LHFPL3: variants seen among roughly 807,000 people sequenced by gnomAD.
The protein encoded by LHFPL3 is LHFPL tetraspan subfamily member 3, also known as LHFPL tetraspan subfamily member 3 protein.
Under a neutral mutation model 19.3 loss-of-function variants are expected in LHFPL3, and 5 were observed. That is an observed-to-expected ratio of 0.26 (90% confidence interval 0.14 to 0.54). The LOEUF is 0.54. Among genes scored for constraint, LHFPL3 ranks in the 20% least tolerant of loss-of-function variants. LHFPL3 has a pLI of 0.94. For synonymous variants in LHFPL3, 133 were observed against 126.2 expected, an observed-to-expected ratio of 1.05 and a Z score of -0.36; for missense variants, 249 against 307.4, an observed-to-expected ratio of 0.81 and a Z score of 1.42.
chr7:104,420,720 C>T (rs372516470), intron 1 of LHFPL3, among the ~76,000 whole-genome samples: 14 of 152,110 alleles, frequency 9.2e-5, no homozygotes, highest in South Asian at 2.1e-4. Context: ...CCACCATGCC[C>T]GGCTAATTTT....
At chr7:104,736,549 T>C (rs1793825972) in intron 1 of LHFPL3, 126 bp from the exon 2 acceptor site, 1 of 661,350 alleles carries the variant, frequency 1.5e-6, no homozygotes, top group Admixed American at 2.5e-5. Flanking sequence ...AGTGGTGAGA[T>C]TTGCTGTTTT....
At chr7:104,699,080 G>A (rs968581232) in intron 1 of LHFPL3, among the ~76,000 whole-genome samples, 1 of 152,144 alleles carries the variant, frequency 6.6e-6, no homozygotes, top group African/African-American at 2.4e-5. Flanking sequence ...GAACACTTGT[G>A]CATTGCTGGT....
intron 1 of LHFPL3, among the ~76,000 whole-genome samples, chr7:104,424,983 TA>T (rs71153196): frequency 0.15 from 9,726 of 65,124 alleles, 380 homozygotes; most frequent in Middle Eastern, 0.2. Context: ...CTCCATCTCA[TA>T]AAAAAAAAAA....
chr7:104,687,694 A>G (rs1792831780), intron 1 of LHFPL3, among the ~76,000 whole-genome samples: 1 of 152,224 alleles, frequency 6.6e-6, no homozygotes, highest in African/African-American at 2.4e-5. Context: ...AAGAAAATAT[A>G]ACAGTTCCCT....
intron 2 of LHFPL3, among the ~76,000 whole-genome samples, chr7:104,805,377 C>T (rs961330311): frequency 6.6e-6 from 1 of 152,164 alleles, no homozygotes; most frequent in African/African-American, 2.4e-5. Flanking sequence ...GAAAGAGATG[C>T]GACTCAAATG....
intron 2 of LHFPL3, among the ~76,000 whole-genome samples, chr7:104,850,929 G>A (rs1281828650): frequency 6.6e-6 from 1 of 152,202 alleles, no homozygotes; most frequent in African/African-American, 2.4e-5. Flanking sequence ...GCAGTGGCGT[G>A]CATAAATCTG....
chr7:104,538,808 A>G (rs913166868), intron 1 of LHFPL3, among the ~76,000 whole-genome samples: 9 of 151,848 alleles, frequency 5.9e-5, no homozygotes, highest in Non-Finnish European at 1.3e-4. Flanking sequence ...GGCAAAAGCA[A>G]CTTTGCACGT....
chr7:104,387,916 T>C (rs1434382057), intron 1 of LHFPL3, among the ~76,000 whole-genome samples: 1 of 152,170 alleles, frequency 6.6e-6, no homozygotes, highest in Admixed American at 6.5e-5. Flanking sequence ...ACCTGATAAG[T>C]AGTTTTTCTA....
chr7:104,440,038 G>GC lies in LHFPL3; in HGVS notation c.445+110814_445+110815insC, dbSNP rs71153197. Among the ~76,000 whole-genome samples the GC allele has an allele frequency of 4.6e-3, 642 of 140,222 alleles. 9 individuals carry two copies. The highest frequency in any genetic ancestry group is 6.6e-3 in the South Asian group (28 of 4,230). 92.0% of individuals were successfully genotyped at this position (140,222 alleles called of 152,430 possible). ...GATTACTATATAATACAAAGCCTGG[G>GC]GGGGGGGAGGGATAGCATTAGGAGA... is the stretch of plus-strand genomic sequence containing the variant. On this transcript the variant is annotated intron_variant, in intron 1 of 2. Coordinates refer to ENST00000424859, the MANE Select transcript of LHFPL3 (RefSeq NM_199000.3).
chr7:104,678,872 A>C (rs1253885523), intron 1 of LHFPL3, among the ~76,000 whole-genome samples: 1 of 152,186 alleles, frequency 6.6e-6, no homozygotes, highest in Non-Finnish European at 1.5e-5. Flanking sequence ...CATTTTGTTC[A>C]CATTCATCTA....
At chr7:104,882,361 C>T (rs1464752049) in intron 2 of LHFPL3, among the ~76,000 whole-genome samples, 2 of 152,200 alleles carry the variant, frequency 1.3e-5, no homozygotes, top group African/African-American at 4.8e-5. Context: ...GATTCTCCCG[C>T]CTCAGCCTCC....
At chr7:104,848,917 G>C (rs560884826) in intron 2 of LHFPL3, among the ~76,000 whole-genome samples, 1 of 149,894 alleles carries the variant, frequency 6.7e-6, no homozygotes, top group Admixed American at 6.6e-5. Flanking sequence ...TTTTGTTGTT[G>C]TTGTTGTTGT....
intron 1 of LHFPL3, among the ~76,000 whole-genome samples, chr7:104,730,367 T>G (rs1793676903): frequency 6.6e-6 from 1 of 152,204 alleles, no homozygotes; most frequent in South Asian, 2.1e-4. Flanking sequence ...ACCAACAGTG[T>G]AAAAGTGTTC....
intron 1 of LHFPL3, among the ~76,000 whole-genome samples, chr7:104,564,085 G>A (rs543103498): frequency 1.3e-5 from 2 of 152,186 alleles, no homozygotes; most frequent in Admixed American, 1.3e-4. Flanking sequence ...CTATGATGTG[G>A]CTACTATTAT....
chr7:104,800,570 T>G (rs1018400866), intron 2 of LHFPL3, among the ~76,000 whole-genome samples: 2 of 152,176 alleles, frequency 1.3e-5, no homozygotes, highest in Admixed American at 6.6e-5. Flanking sequence ...AACTGTCAAA[T>G]GCAGGATGTC....
At chr7:104,724,836 C>T (rs1198762931) in intron 1 of LHFPL3, among the ~76,000 whole-genome samples, 1 of 152,184 alleles carries the variant, frequency 6.6e-6, no homozygotes, top group Non-Finnish European at 1.5e-5. Context: ...GTACACACTA[C>T]AGTGCCCTGT....
At chr7:104,531,094 A>C (rs1458478594) in intron 1 of LHFPL3, among the ~76,000 whole-genome samples, 1 of 152,226 alleles carries the variant, frequency 6.6e-6, no homozygotes, top group Non-Finnish European at 1.5e-5. Flanking sequence ...GCATCAAAGG[A>C]TGCTCACTTA....
At chr7:104,432,880 G>GGCCA (rs1329855489) in intron 1 of LHFPL3, among the ~76,000 whole-genome samples, 7 of 151,838 alleles carry the variant, frequency 4.6e-5, no homozygotes, top group Non-Finnish European at 1.0e-4. Flanking sequence ...CCTTAATCTG[G>GGCCA]GCCATGACCA....
intron 1 of LHFPL3, among the ~76,000 whole-genome samples, chr7:104,537,243 G>A (rs1209203073): frequency 6.6e-6 from 1 of 152,120 alleles, no homozygotes; most frequent in African/African-American, 2.4e-5. Flanking sequence ...AGATGTGGGG[G>A]AGAGTGACAT....
Sources: gnomAD v4.1 joint callset for allele counts (sites outside exome capture counted in the v4.1 genomes callset) on GRCh38, gnomAD v4.1.1 for gene constraint, MANE v1.5 for transcripts, NCBI Gene and HGNC (gene_info 2026-07-23, HGNC 2026-07-21) for gene names.